NEK10: variants seen among roughly 807,000 people sequenced by gnomAD.
The protein encoded by NEK10 is NIMA related kinase 10.
In NEK10, 122 loss-of-function variants were observed where a neutral mutation model predicts 159.8. That is an observed-to-expected ratio of 0.76 (90% CI 0.66 to 0.89). The LOEUF (loss-of-function observed/expected upper bound fraction) is 0.89. Ranked by LOEUF, NEK10 falls within the 40% of genes least tolerant of loss-of-function variation. The probability of loss-of-function intolerance (pLI) is 0.00; values close to 1 mark genes in which losing one functional copy is unlikely to be tolerated. For missense variants in NEK10, 1,342 were observed against 1,323.1 expected (o/e 1.01, Z -0.22); for synonymous variants, 466 against 457.1 (o/e 1.02, Z -0.25).
chr3:27,279,908 G>A (rs2042027831), intron 22 of NEK10, among the ~76,000 whole-genome samples: 3 of 152,020 alleles, frequency 2.0e-5, no homozygotes, highest in Admixed American at 6.5e-5. Flanking sequence ...GGTGGCTCAC[G>A]CCTGTAATCC....
At chr3:27,275,062 G>T (rs1465624320) in intron 22 of NEK10, among the ~76,000 whole-genome samples, 1 of 152,058 alleles carries the variant, frequency 6.6e-6, no homozygotes, top group Non-Finnish European at 1.5e-5. Context: ...CCTCAATTAT[G>T]AGGTTACTAT....
chr3:27,343,115 C>T (rs1019320671), intron 5 of NEK10, among the ~76,000 whole-genome samples: 2 of 152,110 alleles, frequency 1.3e-5, no homozygotes, highest in Non-Finnish European at 2.9e-5. Context: ...GTCTAATAAT[C>T]CTCTGCTTAA....
At chr3:27,137,516 T>C (rs1005726959) in intron 31 of NEK10, among the ~76,000 whole-genome samples, 1 of 152,226 alleles carries the variant, frequency 6.6e-6, no homozygotes, top group African/African-American at 2.4e-5. Flanking sequence ...GAATGCTTTT[T>C]CCATATTTCT....
At chr3:27,335,475 G>A (rs1410379096) in intron 5 of NEK10, among the ~76,000 whole-genome samples, 4 of 152,006 alleles carry the variant, frequency 2.6e-5, no homozygotes, top group African/African-American at 7.2e-5. Flanking sequence ...ACAAAGAAAC[G>A]TTGGATTTAA....
At chr3:27,144,301 T>C (rs1944079492) in intron 30 of NEK10, among the ~76,000 whole-genome samples, 1 of 152,244 alleles carries the variant, frequency 6.6e-6, no homozygotes, top group Non-Finnish European at 1.5e-5. Context: ...GGATGCACTG[T>C]AGTTTACACA....
Position 27,204,466 on chromosome 3 carries a change from C to T in NEK10, c.2091-1909G>A, listed in dbSNP as rs376961553. 9.4e-5 allele frequency among the ~76,000 whole-genome samples: 8 copies of T among 85,514 alleles called. No individual in the cohort carries two copies. The South Asian group carries it at 3.8e-3, about 41-fold the overall frequency. The allele number at this position is 85,514 out of a possible 152,430, so 56.1% of individuals were successfully genotyped here. Reference sequence around the variant, plus strand: ...CAATGCTATCCCTCCCCCCTCCCCCCACCCCACCACAGTCCCCAGAGTGTG... The same window carrying T: ...CAATGCTATCCCTCCCCCCTCCCCCTACCCCACCACAGTCCCCAGAGTGTG... On this transcript the variant is annotated intron_variant, in intron 23 of 35. Transcript: ENST00000691995.
At chr3:27,237,658 G>A (rs1330738478) in intron 23 of NEK10, among the ~76,000 whole-genome samples, 2 of 151,934 alleles carry the variant, frequency 1.3e-5, no homozygotes, top group African/African-American at 4.8e-5. Context: ...GAGGAAGGGT[G>A]GGAGTGGGGT....
At chr3:27,169,241 G>A (rs140598034) in intron 29 of NEK10, among the ~76,000 whole-genome samples, 12 of 152,278 alleles carry the variant, frequency 7.9e-5, no homozygotes, top group African/African-American at 2.9e-4. Context: ...GCAATAGAAA[G>A]TCAGTAAGTG....
At chr3:27,261,739 C>G (rs2040429396) in intron 22 of NEK10, among the ~76,000 whole-genome samples, 1 of 152,136 alleles carries the variant, frequency 6.6e-6, no homozygotes, top group Non-Finnish European at 1.5e-5. Flanking sequence ...TCTATTAGGT[C>G]TGCTTGGTGC....
intron 23 of NEK10, among the ~76,000 whole-genome samples, chr3:27,246,945 T>C (rs1955130708): frequency 6.6e-6 from 1 of 152,250 alleles, no homozygotes; most frequent in Admixed American, 6.5e-5. Context: ...TTTTGTATGT[T>C]GATTTTGTAT....
chr3:27,263,670 G>A (rs1031924244), intron 22 of NEK10, among the ~76,000 whole-genome samples: 10 of 152,152 alleles, frequency 6.6e-5, no homozygotes, highest in East Asian at 1.9e-4. Flanking sequence ...TTGGAAAAGC[G>A]CAGTATTAGG....
At chr3:27,232,435 T>TATCC (rs1265868645) in intron 23 of NEK10, among the ~76,000 whole-genome samples, 1 of 151,848 alleles carries the variant, frequency 6.6e-6, no homozygotes, top group Non-Finnish European at 1.5e-5. Flanking sequence ...AATGGGAACA[T>TATCC]ATCCCATGCT....
At chr3:27,291,628 C>T (rs773992612) in intron 16 of NEK10, 42 bp from the exon 17 acceptor site, 22 of 1,117,130 alleles carry the variant, frequency 2.0e-5, no homozygotes, top group Non-Finnish European at 8.2e-6. Flanking sequence ...AACTTGGACA[C>T]AGTTGATCAT....
At chr3:27,177,038 G>A (rs559419669) in intron 26 of NEK10, among the ~76,000 whole-genome samples, 6 of 152,212 alleles carry the variant, frequency 3.9e-5, no homozygotes, top group East Asian at 3.9e-4. Context: ...AAGGCAATTC[G>A]AGACTTAAGG....
chr3:27,157,267 A>G (rs1945567388), intron 30 of NEK10, among the ~76,000 whole-genome samples: 1 of 151,918 alleles, frequency 6.6e-6, no homozygotes, highest in Non-Finnish European at 1.5e-5. Context: ...AAAATCTCAC[A>G]AATCACCACT....
At chr3:27,278,793 A>G (rs1386584491) in intron 22 of NEK10, 1 of 985,276 alleles carries the variant, frequency 1.0e-6, no homozygotes, top group Non-Finnish European at 1.2e-6. Flanking sequence ...TTCAAGGGTA[A>G]GTTCAGTTTT....
chr3:27,315,309 C>T (rs1355954603), intron 6 of NEK10, among the ~76,000 whole-genome samples: 1 of 152,140 alleles, frequency 6.6e-6, no homozygotes, highest in East Asian at 1.9e-4. Flanking sequence ...AGTGAGTGGG[C>T]AGACTGGGAA....
chr3:27,327,393 T>A (rs3920005), intron 5 of NEK10, among the ~76,000 whole-genome samples: 1 of 151,712 alleles, frequency 6.6e-6, no homozygotes, highest in Non-Finnish European at 1.5e-5. Context: ...ACTGAACTTA[T>A]GCCACTGTTT....
rs530638824 is a variant in NEK10 at position 27,151,797 on chromosome 3, T to G, written c.2870-10215A>C. On this transcript the variant is annotated intron_variant, in intron 30 of 35. Transcript: ENST00000691995. ...AGGGAGAAATATTCAGGGAAATAGA[T>G]AGTTTAAAGTAAAAACAATAAAAAA... Among the ~76,000 whole-genome samples, 143 of 152,272 alleles carry G rather than the reference T, an allele frequency of 9.4e-4. 1 individual carries two copies. Among genetic ancestry groups the G allele is most frequent in the African/African-American group, 3.3e-3 (137 of 41,562 alleles).
Sources: gnomAD v4.1 joint callset for allele counts (sites outside exome capture counted in the v4.1 genomes callset) on GRCh38, gnomAD v4.1.1 for gene constraint, MANE v1.5 for transcripts, NCBI Gene and HGNC (gene_info 2026-07-23, HGNC 2026-07-21) for gene names.